CD24: variants seen among roughly 807,000 people sequenced by gnomAD.
The protein encoded by CD24 is CD24 molecule, also known as signal transducer CD24.
In CD24, 2 loss-of-function variants were observed where a neutral mutation model predicts 3.6. That is an observed-to-expected ratio of 0.56 (90% CI 0.23 to 1.77). CD24 has a LOEUF of 1.77. CD24 is among the 40% of genes most tolerant of loss of function. The pLI, the probability that CD24 is intolerant of heterozygous loss-of-function variation, is 0.18. For missense variants in CD24, 62 were observed against 93.6 expected (o/e 0.66, Z 1.39); for synonymous variants, 33 against 44.9 (o/e 0.74, Z 1.06).
chr6:106,973,792 G>A, intron 1 of CD24: 1 of 398,474 alleles, frequency 2.5e-6, no homozygotes, highest in East Asian at 3.6e-5. Context: ...CACCCGGGGC[G>A]AGGTTCCCCG....
Position 106,973,849 on chromosome 6 carries a change from AG to A in CD24, c.69+728del, listed in dbSNP as rs1582557769. 7 of 398,498 alleles carry A rather than the reference AG, an allele frequency of 1.8e-5. No individual in the cohort carries two copies. The East Asian group carries it at 2.5e-4, about 14-fold the overall frequency. 24.7% of individuals were successfully genotyped at this position (398,498 alleles called of 1,614,324 possible). ...GCGCTGGTAGCGGCGACCCGAACAA[AG>A]CCTGGCGGGGACTCGGGACAGAATC... is the stretch of plus-strand genomic sequence containing the variant. On this transcript the variant is annotated intron_variant, in intron 1 of 1. Coordinates refer to ENST00000606017, the MANE Select transcript of CD24 (RefSeq NM_001359084.1).
chr6:106,973,240 T>C (rs1363904699), intron 1 of CD24: 2 of 157,678 alleles, frequency 1.3e-5, no homozygotes, highest in Admixed American at 6.5e-5. Context: ...AAAAAAATTA[T>C]GTTTATTAAA....
rs1175059876 is a variant in CD24 at position 106,970,958 on chromosome 6, A to T, written c.*703T>A. The T allele has an allele frequency of 1.3e-5, 2 of 152,312 alleles. No homozygotes were observed. The highest frequency in any genetic ancestry group is 4.8e-5 in the African/African-American group (2 of 41,470). The allele number at this position is 152,312 out of a possible 1,614,324, so 9.4% of individuals were successfully genotyped here. A position where few individuals can be genotyped will look rare whatever the true frequency, so the allele number is the denominator to read the frequency against. On this transcript the variant is annotated 3_prime_UTR_variant, in exon 2 of 2. Coordinates refer to ENST00000606017, the MANE Select transcript of CD24 (RefSeq NM_001359084.1). ...CCTACCATTTGACTCAATATGGATA[A>T]TCAAGAGTTGCTCAGGATGCTTGGA...
chr6:106,975,889 A>C (rs1450820204), upstream of CD24, among the ~76,000 whole-genome samples: 3 of 152,230 alleles, frequency 2.0e-5, no homozygotes, highest in African/African-American at 7.2e-5. Context: ...AGATAAAGGC[A>C]TTTACTTATC....
In CD24 at chr6:106,974,612, C is replaced by A; in HGVS notation, c.35G>T (p.Gly12Val). 6.8e-7 allele frequency: 1 copy of A among 1,466,494 alleles called. No homozygotes were observed. The highest frequency in any genetic ancestry group is 9.0e-7 in the Non-Finnish European group (1 of 1,116,426). 90.8% of individuals were successfully genotyped at this position (1,466,494 alleles called of 1,614,324 possible). The change falls in exon 1 of 2, where the codon GGG becomes GTG. Residue 12 changes from glycine to valine, a missense_variant. By Grantham distance (109) the Gly-to-Val change is moderately radical. Transcript: ENST00000606017. ...GRAMVARLGL[G>V]LLLLALLLPT... Reference sequence around the variant, plus strand: ...TAGGAGCAGTGCCAGCAGCAGCAGCCCCAGCCCGAGCCTGGCCACCATTGC... The same window carrying A: ...TAGGAGCAGTGCCAGCAGCAGCAGCACCAGCCCGAGCCTGGCCACCATTGC...
At chr6:106,976,631 G>A (rs1017971160), upstream of CD24, among the ~76,000 whole-genome samples, 35 of 152,230 alleles carry the variant, frequency 2.3e-4, no homozygotes, top group Non-Finnish European at 4.3e-4. Context: ...ATCACCTGAG[G>A]TCAGGAGTTC....
rs1772978001 is a variant in CD24 at position 106,971,731 on chromosome 6, G to C, written c.173C>G (p.Ala58Gly). Reference protein sequence around the residue: ...PNPTNATTKAAGGALQSTASL... With the variant: ...PNPTNATTKAGGGALQSTASL... ...GGCTGTTGACTGCAGGGCACCACCA[G>C]CCGCCTTGGTGGTGGCATTAGTTGG... The change falls in exon 2 of 2, where the codon GCT becomes GGT. Residue 58 changes from alanine (A) to glycine (G), a missense_variant. By Grantham distance (60) the Ala-to-Gly change is moderately conservative. Coordinates refer to ENST00000606017, the MANE Select transcript of CD24 (RefSeq NM_001359084.1). 1 of 1,548,946 alleles carries C rather than the reference G, an allele frequency of 6.5e-7. No individual in the cohort carries two copies. The highest frequency in any genetic ancestry group is 1.4e-5 in the African/African-American group (1 of 73,114).
chr6:106,974,347 C>T (rs1773050315), intron 1 of CD24, among the ~76,000 whole-genome samples: 1 of 152,302 alleles, frequency 6.6e-6, no homozygotes, highest in East Asian at 1.9e-4. Flanking sequence ...TCAGCCCGCA[C>T]GCGGAGCTGC....
intron 1 of CD24, among the ~76,000 whole-genome samples, chr6:106,972,655 C>T (rs1034204524): frequency 4.1e-4 from 63 of 152,106 alleles, no homozygotes; most frequent in African/African-American, 1.5e-3. Flanking sequence ...TTTTTCAAGC[C>T]ACGAAATGCA....
upstream of CD24, chr6:106,974,900 C>G (rs2114902229): frequency 6.6e-6 from 1 of 151,618 alleles, no homozygotes; most frequent in African/African-American, 2.4e-5. Context: ...ACTGCCACCG[C>G]CGCTCCGGCC....
At position 106,970,392 on chromosome 6, in the gene CD24, A is replaced by T. The variant is rs1772940465; in HGVS notation, c.*1269T>A. On this transcript the variant is annotated 3_prime_UTR_variant, in exon 2 of 2. Transcript: ENST00000606017. The stretch of plus-strand genomic sequence containing the variant: ...ATTAGCTTCCAGTCTTCACTTCCCA[A>T]ATACTTGATTTATAGTTTTGACTCC... The T allele has an allele frequency of 6.6e-6, 1 of 152,618 alleles. No individual in the cohort carries two copies. The highest frequency in any genetic ancestry group is 1.5e-5 in the Non-Finnish European group (1 of 68,034). The allele number at this position is 152,618 out of a possible 1,614,324, so 9.5% of individuals were successfully genotyped here.
intron 1 of CD24, among the ~76,000 whole-genome samples, chr6:106,972,163 A>C (rs1449132153): frequency 2.0e-5 from 3 of 152,144 alleles, no homozygotes; most frequent in African/African-American, 7.2e-5. Flanking sequence ...ATATTGACTT[A>C]ATGGCATTGC....
chr6:106,971,651 C>T lies in CD24; in HGVS notation c.*10G>A. 6 of 1,545,860 alleles carry T rather than the reference C, an allele frequency of 3.9e-6. No individual in the cohort carries two copies. Among genetic ancestry groups the T allele is most frequent in the African/African-American group, 1.4e-5 (1 of 72,962 alleles). On this transcript the variant is annotated 3_prime_UTR_variant, in exon 2 of 2. Transcript: ENST00000606017. ...GGGAAATTTAGAAGACGTTTCTTGG[C>T]CTGAGTCTCTTAAGAGTAGAGATGC... is the stretch of plus-strand genomic sequence containing the variant.
rs1772962996 is a variant in CD24, at chr6:106,971,173, C to A, written c.*488G>T. The A allele has an allele frequency of 1.3e-5, 2 of 159,046 alleles. No homozygotes were observed. The highest frequency in any genetic ancestry group is 2.7e-5 in the Non-Finnish European group (2 of 73,294). The allele number at this position is 159,046 out of a possible 1,614,324, so 9.9% of individuals were successfully genotyped here. ...TTAAATTAGTGCTGTCGAAACAATA[C>A]GTTGAGGAATTACAGTAACACCTGG... On this transcript the variant is annotated 3_prime_UTR_variant, in exon 2 of 2. Transcript: ENST00000606017.
Position 106,970,072 on chromosome 6 carries a change from A to G in CD24, c.*1589T>C, listed in dbSNP as rs1276377975. On this transcript the variant is annotated 3_prime_UTR_variant, in exon 2 of 2. Coordinates refer to ENST00000606017, the MANE Select transcript of CD24 (RefSeq NM_001359084.1). The stretch of plus-strand genomic sequence containing the variant: ...GAAAAAAAGGACTTTGGTCATCAAG[A>G]CTACTGTGGCCATATTAGATTACTG... The G allele has an allele frequency of 6.6e-6, 1 of 152,664 alleles. No homozygotes were observed. The highest frequency in any genetic ancestry group is 1.5e-5 in the Non-Finnish European group (1 of 68,056). The allele number at this position is 152,664 out of a possible 1,614,324, so 9.5% of individuals were successfully genotyped here. A position where few individuals can be genotyped will look rare whatever the true frequency, so the allele number is the denominator to read the frequency against.
At chr6:106,976,544 A>G (rs1307611367), upstream of CD24, among the ~76,000 whole-genome samples, 10 of 152,180 alleles carry the variant, frequency 6.6e-5, no homozygotes, top group Non-Finnish European at 2.9e-5. Context: ...AGTGTACCAC[A>G]TTATATAGAA....
upstream of CD24, chr6:106,975,694 A>AC (rs1466444236): frequency 6.6e-6 from 1 of 151,360 alleles, no homozygotes; most frequent in African/African-American, 2.4e-5. Flanking sequence ...CCCTGAGGGG[A>AC]CCCCCTCCGC....
At chr6:106,972,748 G>T (rs1773005002) in intron 1 of CD24, among the ~76,000 whole-genome samples, 1 of 152,238 alleles carries the variant, frequency 6.6e-6, no homozygotes, top group South Asian at 2.1e-4. Flanking sequence ...TGCAAGGGAG[G>T]GTTTACAAGA....
intron 1 of CD24, among the ~76,000 whole-genome samples, 193 bp downstream of exon 1, chr6:106,974,385 G>T (rs1773052202): frequency 1.3e-5 from 2 of 152,176 alleles, no homozygotes; most frequent in Non-Finnish European, 1.5e-5. Context: ...GGGAGGAGGG[G>T]GGGCAGCACG....
Sources: allele counts gnomAD v4.1 joint callset (sites outside exome capture counted in the v4.1 genomes callset), GRCh38; gene constraint gnomAD v4.1.1; transcripts MANE v1.5; gene names NCBI Gene and HGNC (gene_info 2026-07-23, HGNC 2026-07-21).